The following CRB2 variants were observed in gnomAD, a reference collection of about 807,000 sequenced individuals.
The protein encoded by CRB2 is crumbs cell polarity complex component 2, also known as protein crumbs homolog 2.
Under a neutral mutation model 110.9 loss-of-function variants are expected in CRB2, and 85 were observed. That is an observed-to-expected ratio of 0.77 (90% CI 0.64 to 0.92). The LOEUF (loss-of-function observed/expected upper bound fraction) is 0.92. Ranked by LOEUF, CRB2 falls within the 40% of genes least tolerant of loss-of-function variation. CRB2 has a pLI of 0.00. For missense variants in CRB2, 1,843 were observed against 1,851.3 expected (o/e 1.00, Z 0.08); for synonymous variants, 907 against 831.0 (o/e 1.09, Z -1.57).
rs2042115662 is a variant in CRB2 at position 123,377,153 on chromosome 9, G to A, written c.*91G>A. 1 of 1,197,274 alleles carries A rather than the reference G, an allele frequency of 8.4e-7. No homozygotes were observed. The highest frequency in any genetic ancestry group is 1.1e-6 in the Non-Finnish European group (1 of 871,676). The allele number at this position is 1,197,274 out of a possible 1,614,324, so 74.2% of individuals were successfully genotyped here. ...AGCTGCTTCCAGGGCTCGGGACATT[G>A]CTACGGAAGTGTCCCCTTGGCTGGC... On this transcript the variant is annotated 3_prime_UTR_variant, in exon 13 of 13. Coordinates refer to ENST00000373631, the MANE Select transcript of CRB2 (RefSeq NM_173689.7).
At chr9:123,372,439 AC>A in intron 9 of CRB2, 97 bp downstream of exon 9, 1 of 1,452,786 alleles carries the variant, frequency 6.9e-7, no homozygotes, top group South Asian at 1.4e-5. Flanking sequence ...ATACTGGTGG[AC>A]CAGGCATGCC....
chr9:123,356,290 C>T lies in CRB2; in HGVS notation c.30C>T (p.Asp10=), dbSNP rs2041797633. Residue 10 remains aspartate, a synonymous_variant, in exon 1 of 13, where the codon GAC becomes GAT. Coordinates refer to ENST00000373631, the MANE Select transcript of CRB2 (RefSeq NM_173689.7). ...CGCTGGCCAGGCCTGGGACCCCGGA[C>T]CCCCAGGCCCTGGCCTCTGTCCTGC... is the stretch of plus-strand genomic sequence containing the variant. MALARPGTP[D]PQALASVLLL... is the part of the protein sequence containing the mutation. The T allele has an allele frequency of 1.3e-6, 2 of 1,540,472 alleles. No homozygotes were observed. The highest frequency in any genetic ancestry group is 8.7e-7 in the Non-Finnish European group (1 of 1,143,678).
At position 123,373,831 on chromosome 9, in the gene CRB2, C is replaced by G. The variant is rs756726174; in HGVS notation, c.3300C>G (p.Ser1100=). 1.1e-5 allele frequency: 17 copies of G among 1,570,280 alleles called. No individual in the cohort carries two copies. In the African/African-American group the frequency reaches 2.2e-4, roughly 20 times the overall value. ...AAGCCCACGTCGACCCCTGTCACTC[C>G]GCCCCCTGCGCCCGTGGCCGCTGTC... The part of the protein sequence containing the change: ...RCEAHVDPCH[S]APCARGRCHT... The change falls in exon 10 of 13, where the codon TCC becomes TCG. Residue 1100 remains serine (S), a synonymous_variant. Transcript: ENST00000373631.
At chr9:123,378,798 G>GTTGT (rs2042147845), downstream of CRB2, 2 of 71,734 alleles carry the variant, frequency 2.8e-5, no homozygotes, top group Non-Finnish European at 4.7e-5. Flanking sequence ...TCGGGTGCCT[G>GTTGT]TTTTTTGTTT....
chr9:123,374,528 G>T lies in CRB2; in HGVS notation c.3390-51G>T, dbSNP rs753320514. ...TGGCCCACGGTCACAGCGCTGGGGA[G>T]GGCAGGTCCCAGGTGTCCTGCACCC... On this transcript the variant is annotated intron_variant, in intron 10 of 12. Coordinates refer to ENST00000373631, the MANE Select transcript of CRB2 (RefSeq NM_173689.7). The T allele has an allele frequency of 2.9e-6, 4 of 1,361,708 alleles. No homozygotes were observed. The South Asian group carries it at 4.8e-5, about 16-fold the overall frequency. The allele number at this position is 1,361,708 out of a possible 1,614,324, so 84.4% of individuals were successfully genotyped here.
rs145019394 is a variant in CRB2, at chr9:123,370,877, G to A, written c.1824G>A (p.Gln608=). The A allele has an allele frequency of 1.9e-6, 3 of 1,611,674 alleles. No homozygotes were observed. The highest frequency in any genetic ancestry group is 2.2e-5 in the South Asian group (2 of 91,078). ...NVLLGCERRE[Q]CRPLPCVHGG... is the part of the protein sequence containing the mutation. The stretch of plus-strand genomic sequence containing the variant: ...TCCTGGGCTGTGAGCGCCGAGAGCA[G>A]TGCCGGCCTCTGCCTTGTGTCCACG... Residue 608 remains glutamine (Q), a synonymous_variant, in exon 7 of 13, where the codon CAG becomes CAA. Transcript: ENST00000373631.
Position 123,376,997 on chromosome 9 carries a change from G to A in CRB2, c.3793G>A (p.Val1265Met). ...EGTYSPSQQE[V>M]AGARLEMDSV... ...CACCTACAGCCCAAGCCAGCAGGAG[G>A]TGGCTGGGGCCCGGCTGGAGATGGA... The change falls in exon 13 of 13, where the codon GTG (valine) becomes ATG (methionine). Residue 1265 changes from valine (V) to methionine (M), a missense_variant. Val to Met is a conservative substitution (Grantham distance 21). Transcript: ENST00000373631. The A allele has an allele frequency of 1.2e-6, 2 of 1,609,514 alleles. No individual in the cohort carries two copies. The highest frequency in any genetic ancestry group is 2.2e-5 in the East Asian group (1 of 44,752).
chr9:123,373,149 C>A lies in CRB2; in HGVS notation c.2618C>A (p.Thr873Lys). The change falls in exon 10 of 13, where the codon ACG (threonine) becomes AAG (lysine). Residue 873 changes from threonine to lysine, a missense_variant. Physicochemically the swap from Thr to Lys is moderately conservative, Grantham distance 78. Transcript: ENST00000373631. ...CTCTCCGCAGGTGTGGCGGAGGCCA[C>A]GTTCCGCGAGGGTCCCCCCGCCGCG... ...PDGFVCVAEATFREGPPAAFS... is the reference protein window; with the variant it reads ...PDGFVCVAEAKFREGPPAAFS... 1 of 1,507,612 alleles carries A rather than the reference C, an allele frequency of 6.6e-7. No homozygotes were observed. The highest frequency in any genetic ancestry group is 1.4e-5 in the African/African-American group (1 of 69,712). The allele number at this position is 1,507,612 out of a possible 1,614,324, so 93.4% of individuals were successfully genotyped here.
chr9:123,367,722 A>AT (rs1427094233), intron 6 of CRB2, 36 bp downstream of exon 6: 2 of 1,351,122 alleles, frequency 1.5e-6, no homozygotes, highest in African/African-American at 2.9e-5. Context: ...GACCATCAGA[A>AT]TTGGTGGTCC....
intron 12 of CRB2, among the ~76,000 whole-genome samples, chr9:123,375,697 G>A (rs1401531336): frequency 6.6e-6 from 1 of 152,204 alleles, no homozygotes; most frequent in Non-Finnish European, 1.5e-5. Flanking sequence ...GTGAATCCAG[G>A]AGACTCATCT....
chr9:123,369,023 A>G, intron 6 of CRB2: 2 of 1,071,076 alleles, frequency 1.9e-6, no homozygotes, highest in Non-Finnish European at 1.2e-6. Flanking sequence ...GGTGTTTGTG[A>G]GCTGATCGAG....
chr9:123,360,098 T>C (rs1400934906), intron 1 of CRB2, among the ~76,000 whole-genome samples: 1 of 152,240 alleles, frequency 6.6e-6, no homozygotes, highest in Non-Finnish European at 1.5e-5. Flanking sequence ...CGTCTCAACC[T>C]GGGCAAAATT....
intron 4 of CRB2, 92 bp downstream of exon 4, chr9:123,366,458 C>G: frequency 7.1e-7 from 1 of 1,410,294 alleles, no homozygotes; most frequent in Non-Finnish European, 9.2e-7. Context: ...TGGCTGCACG[C>G]GAGTGCCCGC....
Position 123,373,295 on chromosome 9 carries a change from C to A in CRB2, c.2764C>A (p.Leu922Met). 1 of 1,474,670 alleles carries A rather than the reference C, an allele frequency of 6.8e-7. No homozygotes were observed. Among genetic ancestry groups the A allele is most frequent in the Admixed American group, 2.4e-5 (1 of 41,596 alleles). 91.3% of individuals were successfully genotyped at this position (1,474,670 alleles called of 1,614,324 possible). The change falls in exon 10 of 13, where the codon CTG becomes ATG. Residue 922 changes from leucine to methionine, a missense_variant. Transcript: ENST00000373631. ...AAAGALEGVW[L>M]AVRNGSLAGG... ...GGCGGGCGCCCTGGAAGGCGTGTGGCTGGCGGTGCGCAATGGCTCGCTGGC... is the reference window on the plus strand; with the variant it reads ...GGCGGGCGCCCTGGAAGGCGTGTGGATGGCGGTGCGCAATGGCTCGCTGGC...
chr9:123,368,304 T>A (rs1357668433), intron 6 of CRB2, among the ~76,000 whole-genome samples: 17 of 152,028 alleles, frequency 1.1e-4, no homozygotes, highest in Admixed American at 1.1e-3. Context: ...GGTCACCTCT[T>A]CCCCTCTCTC....
Position 123,376,899 on chromosome 9 carries a change from C to A in CRB2, c.3695C>A (p.Ala1232Asp). 1.2e-6 allele frequency: 2 copies of A among 1,609,624 alleles called. No homozygotes were observed. Among genetic ancestry groups the A allele is most frequent in the Non-Finnish European group, 1.7e-6 (2 of 1,179,144 alleles). ...GAGGTGGCCGTACCTGCAGCCTGTG[C>A]CTGCCTCCTCCTCCTCCTCCTGGGC... The part of the protein sequence containing the change: ...LLEVAVPAAC[A>D]CLLLLLLGLL... The change falls in exon 13 of 13, where the codon GCC (alanine) becomes GAC (aspartate). Residue 1232 changes from alanine to aspartate, a missense_variant. Ala to Asp is a moderately radical substitution (Grantham distance 126, BLOSUM62 -2). Transcript: ENST00000373631.
In CRB2 at chr9:123,371,175, C is replaced by T; in HGVS notation, c.2033C>T (p.Thr678Ile). 6.2e-7 allele frequency: 1 copy of T among 1,613,818 alleles called. No homozygotes were observed. Among genetic ancestry groups the T allele is most frequent in the Non-Finnish European group, 8.5e-7 (1 of 1,180,048 alleles). ...CTCACAGTGTCTTTCCTTCTCCGCACTCGGGAGTCCGCTGGCCTGTTGCTC... is the reference window on the plus strand; with the variant it reads ...CTCACAGTGTCTTTCCTTCTCCGCATTCGGGAGTCCGCTGGCCTGTTGCTC... ...PNLTVSFLLR[T>I]RESAGLLLQF... Residue 678 changes from threonine (T) to isoleucine (I), a missense_variant, in exon 8 of 13, where the codon ACT (threonine) becomes ATT (isoleucine). Coordinates refer to ENST00000373631, the MANE Select transcript of CRB2 (RefSeq NM_173689.7).
At chr9:123,363,328 T>C in intron 2 of CRB2, 140 bp downstream of exon 2, 1 of 864,432 alleles carries the variant, frequency 1.2e-6, no homozygotes, top group Non-Finnish European at 1.7e-6. Context: ...GTATATCCAC[T>C]TGGTCTGACT....
chr9:123,360,678 G>A (rs992201531), intron 1 of CRB2, among the ~76,000 whole-genome samples: 5 of 152,202 alleles, frequency 3.3e-5, no homozygotes, highest in Admixed American at 6.5e-5. Flanking sequence ...ATGTGGGCCC[G>A]TGATTCCGGG....
Sources: allele counts gnomAD v4.1 joint callset (sites outside exome capture counted in the v4.1 genomes callset), GRCh38; gene constraint gnomAD v4.1.1; transcripts MANE v1.5; gene names NCBI Gene and HGNC (gene_info 2026-07-23, HGNC 2026-07-21).